MIA2: variants seen among roughly 807,000 people sequenced by gnomAD.
MIA2 encodes melanoma inhibitory activity protein 2.
Under a neutral mutation model 167.8 loss-of-function variants are expected in MIA2, and 127 were observed. That is an observed-to-expected ratio of 0.76 (90% CI 0.66 to 0.88). The LOEUF (loss-of-function observed/expected upper bound fraction) is 0.88, where lower values mean the gene tolerates loss of function less well. MIA2 is among the 40% of genes least tolerant of loss of function. MIA2 has a pLI of 0.00. For synonymous variants in MIA2, 552 were observed against 541.9 expected (o/e 1.02, Z -0.26); for missense variants, 1,690 against 1,624.7 (o/e 1.04, Z -0.69).
chr14:39,338,818 CT>C (rs1267592494), intron 25 of MIA2, among the ~76,000 whole-genome samples: 1 of 152,186 alleles, frequency 6.6e-6, no homozygotes, highest in Non-Finnish European at 1.5e-5. Context: ...CCATGTAATT[CT>C]TTTGCCAGGG....
At chr14:39,363,149 A>G (rs2074728883) in intron 23 of MIA2, among the ~76,000 whole-genome samples, 1 of 152,244 alleles carries the variant, frequency 6.6e-6, no homozygotes, top group South Asian at 2.1e-4. Flanking sequence ...ATTCTATGCC[A>G]GTGAGAAGAA....
chr14:39,311,051 T>C (rs1242817008), intron 18 of MIA2, among the ~76,000 whole-genome samples: 1 of 152,178 alleles, frequency 6.6e-6, no homozygotes, highest in Non-Finnish European at 1.5e-5. Context: ...TGGTTGATTA[T>C]AGAATTTTGA....
At chr14:39,234,900 T>A (rs1035045992) in intron 1 of MIA2, among the ~76,000 whole-genome samples, 3 of 152,056 alleles carry the variant, frequency 2.0e-5, no homozygotes, top group African/African-American at 7.2e-5. Flanking sequence ...AGTTTTATGG[T>A]GCAAAATAAA....
At chr14:39,284,824 A>G (rs976516864) in intron 9 of MIA2, among the ~76,000 whole-genome samples, 4 of 151,284 alleles carry the variant, frequency 2.6e-5, no homozygotes, top group African/African-American at 9.7e-5. Context: ...GTCATAGGAC[A>G]ATAGTGGAGG....
intron 9 of MIA2, among the ~76,000 whole-genome samples, chr14:39,289,095 C>T (rs1012432241): frequency 6.6e-6 from 1 of 152,066 alleles, no homozygotes; most frequent in Non-Finnish European, 1.5e-5. Flanking sequence ...GTGAAGCCAT[C>T]TCTTCCTGGG....
rs1294920328 is a variant in MIA2, at chr14:39,299,098, GAAAT to G, written c.2497-763_2497-760del. 5.0e-4 allele frequency among the ~76,000 whole-genome samples: 31 copies of G among 62,432 alleles called. 1 individual carries two copies. The highest frequency in any genetic ancestry group is 9.6e-3 in the Middle Eastern group (1 of 104). 41.0% of individuals were successfully genotyped at this position (62,432 alleles called of 152,430 possible). A position where few individuals can be genotyped will look rare whatever the true frequency, so the allele number is the denominator to read the frequency against. On this transcript the variant is annotated intron_variant, in intron 13 of 28. Coordinates refer to ENST00000640607, the MANE Select transcript of MIA2 (RefSeq NM_001329214.4). Reference sequence around the variant, plus strand: ...AAAAAAAAAAAAAAAAAAAAAAAAAGAAATAATTCCTTTCTAGTTATTTATCTTT... The same window carrying G: ...AAAAAAAAAAAAAAAAAAAAAAAAAGAATTCCTTTCTAGTTATTTATCTTT...
At chr14:39,315,824 A>G in intron 21 of MIA2, 106 bp downstream of exon 21, 1 of 754,328 alleles carries the variant, frequency 1.3e-6, no homozygotes, top group South Asian at 2.1e-5. Context: ...ATTCTAAAAA[A>G]TCAGTTTCTT....
intron 6 of MIA2, chr14:39,266,270 G>C: frequency 1.0e-6 from 1 of 982,820 alleles, no homozygotes; most frequent in Non-Finnish European, 1.2e-6. Context: ...ATATATATGA[G>C]ATGGGTTATC....
Position 39,347,770 on chromosome 14 carries a change from G to T in MIA2, c.3836G>T (p.Gly1279Val), listed in dbSNP as rs2073630751. The part of the protein sequence containing the change: ...SSRNDTKDDL[G>V]NLNVPDSSLP... ...AGAAATGATACCAAAGATGATCTTG[G>T]TGTAAGTATTGAAAGAGTGGAATTG... The change falls in exon 27 of 29, where the codon GGT becomes GTT. Residue 1279 changes from glycine to valine, a missense_variant and splice_region_variant. Transcript: ENST00000640607. 1 of 1,606,792 alleles carries T rather than the reference G, an allele frequency of 6.2e-7. No homozygotes were observed. The highest frequency in any genetic ancestry group is 8.5e-7 in the Non-Finnish European group (1 of 1,176,204).
chr14:39,274,282 GTTCT>G (rs760694668), intron 6 of MIA2, among the ~76,000 whole-genome samples: 17 of 152,038 alleles, frequency 1.1e-4, no homozygotes, highest in East Asian at 1.9e-4. Context: ...AAATTTGGTT[GTTCT>G]TTCTATGTTT....
chr14:39,284,602 G>A (rs768460136), intron 9 of MIA2, among the ~76,000 whole-genome samples: 13 of 151,880 alleles, frequency 8.6e-5, no homozygotes, highest in African/African-American at 1.7e-4. Context: ...TTTTGGCTGC[G>A]TTTCCATTTC....
intron 4 of MIA2, among the ~76,000 whole-genome samples, chr14:39,249,811 C>A (rs909910255): frequency 3.9e-5 from 6 of 152,054 alleles, no homozygotes; most frequent in Non-Finnish European, 8.8e-5. Context: ...TGACAGAAAA[C>A]CTTTTACAGG....
chr14:39,306,002 GT>G (rs2063286406), intron 17 of MIA2, among the ~76,000 whole-genome samples: 1 of 150,630 alleles, frequency 6.6e-6, no homozygotes, highest in Non-Finnish European at 1.5e-5. Flanking sequence ...TTTCTTGTTT[GT>G]TTTACAATAG....
chr14:39,269,210 A>G (rs1199088437), intron 6 of MIA2, among the ~76,000 whole-genome samples: 1 of 151,622 alleles, frequency 6.6e-6, no homozygotes, highest in Non-Finnish European at 1.5e-5. Flanking sequence ...TTCACACAAC[A>G]TAAAATTCAT....
At chr14:39,317,123 C>T (rs1230199007) in intron 21 of MIA2, among the ~76,000 whole-genome samples, 1 of 152,118 alleles carries the variant, frequency 6.6e-6, no homozygotes, top group Non-Finnish European at 1.5e-5. Context: ...TATATCTGTC[C>T]TCACGTGTTC....
chr14:39,257,841 GA>G (rs911646120), intron 6 of MIA2, among the ~76,000 whole-genome samples: 42 of 152,240 alleles, frequency 2.8e-4, no homozygotes, highest in African/African-American at 9.1e-4. Flanking sequence ...CTTCACTTTT[GA>G]AGCTTAGTTT....
chr14:39,335,951 G>A (rs1469805572), intron 25 of MIA2, among the ~76,000 whole-genome samples: 1 of 152,154 alleles, frequency 6.6e-6, no homozygotes, highest in African/African-American at 2.4e-5. Flanking sequence ...CTTTCTTATG[G>A]CTGTGTAGTA....
rs1443525044 is a variant in MIA2, at chr14:39,252,874, A to C, written c.1694A>C (p.Glu565Ala). Residue 565 changes from glutamate (E) to alanine (A), a missense_variant, in exon 5 of 29, where the codon GAG (glutamate) becomes GCG (alanine). Glu to Ala is a moderately radical substitution (Grantham distance 107). Coordinates refer to ENST00000640607, the MANE Select transcript of MIA2 (RefSeq NM_001329214.4). ...GACACCGAAGGGCCTGCTCTGGTGG[A>C]GATAGACAGATCTGTGGAAAATACC... ...SVDTEGPALV[E>A]IDRSVENTLL... The C allele has an allele frequency of 6.2e-7, 1 of 1,614,054 alleles. No homozygotes were observed. Among genetic ancestry groups the C allele is most frequent in the East Asian group, 2.2e-5 (1 of 44,860 alleles).
At chr14:39,386,191 A>G (rs2075270763) in intron 23 of MIA2, 1 of 1,394,270 alleles carries the variant, frequency 7.2e-7, no homozygotes, top group Non-Finnish European at 1.0e-6. Flanking sequence ...TGCTGGGGGT[A>G]AGGCTAAAGC....
Sources: gnomAD v4.1 joint callset for allele counts (sites outside exome capture counted in the v4.1 genomes callset) on GRCh38, gnomAD v4.1.1 for gene constraint, MANE v1.5 for transcripts, NCBI Gene and HGNC (gene_info 2026-07-23, HGNC 2026-07-21) for gene names.